The following GATD1 variants were observed in gnomAD, a reference collection of about 807,000 sequenced individuals.
GATD1 encodes glutamine amidotransferase-like class 1 domain-containing protein 1.
A neutral mutation model predicts 25.9 loss-of-function variants in GATD1; 23 were observed. The ratio of observed to expected loss-of-function variants is 0.89; its 90% CI spans 0.64 to 1.26. The LOEUF (loss-of-function observed/expected upper bound fraction) is 1.26, where lower values mean the gene tolerates loss of function less well. GATD1 is among the 50% of genes most tolerant of loss of function. The probability of loss-of-function intolerance (pLI) is 0.00; values close to 1 mark genes in which losing one functional copy is unlikely to be tolerated. For synonymous variants in GATD1, 177 were observed against 134.6 expected (o/e 1.31, Z -2.18); for missense variants, 347 against 312.5 (o/e 1.11, Z -0.83).
chr11:775,014 G>A, intron 2 of GATD1, 52 bp downstream of exon 2: 6 of 1,516,480 alleles, frequency 4.0e-6, no homozygotes, highest in Non-Finnish European at 5.4e-6. Flanking sequence ...TGCCCCCGGA[G>A]AGGTGGAGAC....
chr11:774,390 C>T (rs1863759270), intron 2 of GATD1, among the ~76,000 whole-genome samples: 1 of 152,246 alleles, frequency 6.6e-6, no homozygotes, highest in Non-Finnish European at 1.5e-5. Flanking sequence ...TGCATCCTTA[C>T]TATGACTTAT....
rs146804075 is a variant in GATD1 at position 775,109 on chromosome 11, G to A, written c.98C>T (p.Thr33Met). The A allele has an allele frequency of 5.8e-5, 93 of 1,605,720 alleles. No individual in the cohort carries two copies. The highest frequency in any genetic ancestry group is 7.4e-5 in the Non-Finnish European group (87 of 1,177,266). The change falls in exon 2 of 8, where the codon ACG becomes ATG. Residue 33 changes from threonine (T) to methionine (M), a missense_variant. Physicochemically the swap from Thr to Met is moderately conservative, Grantham distance 81. Coordinates refer to ENST00000319863, the MANE Select transcript of GATD1 (RefSeq NM_182612.4). The stretch of plus-strand genomic sequence containing the variant: ...CAGGTTGAAGGCGGTGCTGGCCATC[G>A]TGAAACAGTGGAGGAAGGACTGGGC... ...VSAQSFLHCF[T>M]MASTAFNLQV...
rs1229370078 is a variant in GATD1 at position 769,254 on chromosome 11, C to T, written c.*1643G>A. 11 of 985,318 alleles carry T rather than the reference C, an allele frequency of 1.1e-5. No homozygotes were observed. Among genetic ancestry groups the T allele is most frequent in the African/African-American group, 3.5e-5 (2 of 57,240 alleles). The allele number at this position is 985,318 out of a possible 1,614,324, so 61.0% of individuals were successfully genotyped here. ...CACTGGAGGGACGCAGCCTTCAGGGCGGGGATGTGGCTGCAGCGCTTCCTT... is the reference window on the plus strand; with the variant it reads ...CACTGGAGGGACGCAGCCTTCAGGGTGGGGATGTGGCTGCAGCGCTTCCTT... On this transcript the variant is annotated 3_prime_UTR_variant, in exon 8 of 8. Coordinates refer to ENST00000319863, the MANE Select transcript of GATD1 (RefSeq NM_182612.4).
intron 4 of GATD1, among the ~76,000 whole-genome samples, chr11:773,138 C>T (rs551728551): frequency 3.9e-5 from 6 of 152,358 alleles, no homozygotes; most frequent in Admixed American, 1.3e-4. Flanking sequence ...CAGCCCAACC[C>T]GGAGCCGGGG....
intron 6 of GATD1, 56 bp from the exon 7 acceptor site, chr11:771,160 C>G: frequency 6.5e-7 from 1 of 1,548,252 alleles, no homozygotes; most frequent in Non-Finnish European, 8.7e-7. Context: ...CCACTGAGAG[C>G]CTCGAACTCC....
rs1323042184 is a variant in GATD1, at chr11:771,358, C to T, written c.519G>A (p.Val173=). Residue 173 remains valine (V), a synonymous_variant, in exon 6 of 8, where the codon GTG becomes GTA. Transcript: ENST00000319863. ...CACTGAAGCAGGCGCCCGAATCCTT[C>T]ACGAAGTCCTCCACCACGAGCGGCA... The part of the protein sequence containing the change: ...ARLPLVVEDF[V]KDSGACFSAS... The T allele has an allele frequency of 6.3e-7, 1 of 1,596,066 alleles. No individual in the cohort carries two copies. The highest frequency in any genetic ancestry group is 1.1e-5 in the South Asian group (1 of 89,290).
chr11:777,458 G>T lies in GATD1; in HGVS notation c.5C>A (p.Ala2Glu), dbSNP rs1042614783. ...GGGCCTGTTAGGGAGCCGCTCGGAC[G>T]CCATGGCTCGGGCTCGGCGCTGGGT... is the stretch of plus-strand genomic sequence containing the variant. MASERLPNRPAC... is the reference protein window; with the variant it reads MESERLPNRPAC... Residue 2 changes from alanine to glutamate, a missense_variant, in exon 1 of 8, where the codon GCG (alanine) becomes GAG (glutamate). Coordinates refer to ENST00000319863, the MANE Select transcript of GATD1 (RefSeq NM_182612.4). 1 of 1,240,214 alleles carries T rather than the reference G, an allele frequency of 8.1e-7. No homozygotes were observed. Among genetic ancestry groups the T allele is most frequent in the Non-Finnish European group, 1.0e-6 (1 of 990,008 alleles). 76.8% of individuals were successfully genotyped at this position (1,240,214 alleles called of 1,614,324 possible). A position where few individuals can be genotyped will look rare whatever the true frequency, so the allele number is the denominator to read the frequency against.
intron 3 of GATD1, among the ~76,000 whole-genome samples, 158 bp from the exon 4 acceptor site, chr11:773,787 G>A (rs1428067366): frequency 6.6e-6 from 1 of 152,084 alleles, no homozygotes; most frequent in African/African-American, 2.4e-5. Context: ...AGCTCCCAAG[G>A]GCCCCCCTGA....
chr11:772,557 C>T lies in GATD1; in HGVS notation c.356-36G>A, dbSNP rs754012102. 1.8e-4 allele frequency: 290 copies of T among 1,582,916 alleles called. 3 individuals are homozygous for T. In the East Asian group the frequency reaches 6.2e-3, roughly 34 times the overall value. ...TACATGGCGTTGAGGCCCTGGACCC[C>T]GCCACCCGCACCCTGAAGCCCCTCC... On this transcript the variant is annotated intron_variant, in intron 4 of 7. Coordinates refer to ENST00000319863, the MANE Select transcript of GATD1 (RefSeq NM_182612.4).
At chr11:774,270 G>A (rs915561730) in intron 2 of GATD1, among the ~76,000 whole-genome samples, 157 bp from the exon 3 acceptor site, 2 of 152,334 alleles carry the variant, frequency 1.3e-5, no homozygotes, top group Non-Finnish European at 2.9e-5. Context: ...TCCCAGGGTC[G>A]GGGAGCCTGT....
At chr11:773,677 C>T in intron 3 of GATD1, 48 bp from the exon 4 acceptor site, 1 of 1,433,996 alleles carries the variant, frequency 7.0e-7, no homozygotes, top group Non-Finnish European at 9.6e-7. Context: ...CAAAGTGAGA[C>T]TACCTGCAGG....
chr11:773,713 C>G lies in GATD1; in HGVS notation c.248-84G>C, dbSNP rs530779942. On this transcript the variant is annotated intron_variant, in intron 3 of 7. Coordinates refer to ENST00000319863, the MANE Select transcript of GATD1 (RefSeq NM_182612.4). ...ACCAGGCCCGAGTGCGTGGCCAGGA[C>G]AGACCCTCCACAGGGACCAGCCAGC... 1.7e-4 allele frequency: 172 copies of G among 1,032,704 alleles called. 1 individual carries two copies. The highest frequency in any genetic ancestry group is 2.3e-5 in the Non-Finnish European group (16 of 700,056). The allele number at this position is 1,032,704 out of a possible 1,614,324, so 64.0% of individuals were successfully genotyped here. A position where few individuals can be genotyped will look rare whatever the true frequency, so the allele number is the denominator to read the frequency against.
chr11:769,403 T>A lies in GATD1; in HGVS notation c.*1494A>T. ...TGGCGCAATCTTGGCTCACTGCAAC[T>A]TCCGCCTCCCAGGTTCAAGCAATTC... is the stretch of plus-strand genomic sequence containing the variant. On this transcript the variant is annotated 3_prime_UTR_variant, in exon 8 of 8. Coordinates refer to ENST00000319863, the MANE Select transcript of GATD1 (RefSeq NM_182612.4). 1.7e-6 allele frequency: 1 copy of A among 579,538 alleles called. No individual in the cohort carries two copies. The highest frequency in any genetic ancestry group is 7.6e-5 in the South Asian group (1 of 13,164). 35.9% of individuals were successfully genotyped at this position (579,538 alleles called of 1,614,324 possible).
In GATD1 at chr11:777,455, G is replaced by T; in HGVS notation, c.8C>A (p.Ser3Tyr). 8.0e-7 allele frequency: 1 copy of T among 1,245,192 alleles called. No homozygotes were observed. Among genetic ancestry groups the T allele is most frequent in the Non-Finnish European group, 1.0e-6 (1 of 993,020 alleles). The allele number at this position is 1,245,192 out of a possible 1,614,324, so 77.1% of individuals were successfully genotyped here. MASERLPNRPACL... is the reference protein window; with the variant it reads MAYERLPNRPACL... Reference sequence around the variant, plus strand: ...GGCGGGCCTGTTAGGGAGCCGCTCGGACGCCATGGCTCGGGCTCGGCGCTG... The same window carrying T: ...GGCGGGCCTGTTAGGGAGCCGCTCGTACGCCATGGCTCGGGCTCGGCGCTG... Residue 3 changes from serine to tyrosine, a missense_variant, in exon 1 of 8, where the codon TCC becomes TAC. By Grantham distance (144) the Ser-to-Tyr change is moderately radical. Transcript: ENST00000319863.
At position 770,827 on chromosome 11, in the gene GATD1, C is replaced by G. The variant is rs1863360802; in HGVS notation, c.*70G>C. The G allele has an allele frequency of 6.4e-7, 1 of 1,554,530 alleles. No homozygotes were observed. The highest frequency in any genetic ancestry group is 1.4e-5 in the African/African-American group (1 of 73,802). ...TGTCAGGAGGGAAGAGGCGGGGTCC[C>G]TGAAGCCTGAGACGGGGCTGCCTCT... On this transcript the variant is annotated 3_prime_UTR_variant, in exon 8 of 8. Transcript: ENST00000319863.
chr11:777,375 C>G, intron 1 of GATD1, 24 bp downstream of exon 1: 1 of 1,292,196 alleles, frequency 7.7e-7, no homozygotes, highest in Non-Finnish European at 9.8e-7. Context: ...TCTTCGGACA[C>G]TGGCCCCGGC....
Position 768,295 on chromosome 11 carries a change from CCCGT to C in GATD1, c.*2598_*2601del, listed in dbSNP as rs1384211010. The C allele has an allele frequency of 1.3e-5, 2 of 151,394 alleles. No individual in the cohort carries two copies. The highest frequency in any genetic ancestry group is 6.6e-5 in the Admixed American group (1 of 15,196). The allele number at this position is 151,394 out of a possible 1,614,324, so 9.4% of individuals were successfully genotyped here. On this transcript the variant is annotated 3_prime_UTR_variant, in exon 8 of 8. Transcript: ENST00000319863. ...ACCATCCTGGCCAACATGGTGAAAC[CCCGT>C]CTCTACTGAAAATACAAAAACTAGC...
At position 770,238 on chromosome 11, in the gene GATD1, G is replaced by C. The variant is rs1483133582; in HGVS notation, c.*659C>G. 19 of 1,392,614 alleles carry C rather than the reference G, an allele frequency of 1.4e-5. No homozygotes were observed. Among genetic ancestry groups the C allele is most frequent in the Non-Finnish European group, 1.6e-5 (17 of 1,068,534 alleles). 86.3% of individuals were successfully genotyped at this position (1,392,614 alleles called of 1,614,324 possible). A position where few individuals can be genotyped will look rare whatever the true frequency, so the allele number is the denominator to read the frequency against. ...GGGGACAGCACTTTCCTATCATTGA[G>C]AATCTCATGGTCTCATATTCACAAG... On this transcript the variant is annotated 3_prime_UTR_variant, in exon 8 of 8. Coordinates refer to ENST00000319863, the MANE Select transcript of GATD1 (RefSeq NM_182612.4).
At chr11:773,244 A>C in intron 4 of GATD1, 3 of 392,750 alleles carry the variant, frequency 7.6e-6, no homozygotes, top group East Asian at 6.1e-5. Flanking sequence ...CCCAGAAGGA[A>C]TCAGGCCGGT....
Sources: gnomAD v4.1 joint callset for allele counts (sites outside exome capture counted in the v4.1 genomes callset) on GRCh38, gnomAD v4.1.1 for gene constraint, MANE v1.5 for transcripts, NCBI Gene and HGNC (gene_info 2026-07-23, HGNC 2026-07-21) for gene names.